FAM177A1: variants seen among roughly 807,000 people sequenced by gnomAD.
FAM177A1 encodes the protein family with sequence similarity 177 member A1, also known as protein FAM177A1.
FAM177A1 carries 22 observed loss-of-function variants against 26.1 expected under a neutral mutation model. The ratio of observed to expected loss-of-function variants is 0.84; its 90% CI spans 0.60 to 1.20. The LOEUF (loss-of-function observed/expected upper bound fraction) is 1.20. FAM177A1 is among the 50% of genes most tolerant of loss of function. FAM177A1 has a pLI of 0.00. For missense variants in FAM177A1, 296 were observed against 291.1 expected (o/e 1.02, Z -0.12); for synonymous variants, 95 against 99.3 (o/e 0.96, Z 0.26).
chr14:35,071,375 G>C (rs2045319377), intron 2 of FAM177A1, among the ~76,000 whole-genome samples: 2 of 152,118 alleles, frequency 1.3e-5, no homozygotes, highest in African/African-American at 4.8e-5. Flanking sequence ...AATAAGAAAA[G>C]GTAGTAGGTC....
upstream of FAM177A1, chr14:35,045,095 T>C (rs555265254): frequency 6.6e-5 from 10 of 152,234 alleles, no homozygotes; most frequent in African/African-American, 2.4e-4. Flanking sequence ...GTCTTAACAA[T>C]TGGTTCTTTA....
At position 35,046,351 on chromosome 14, in the gene FAM177A1, G is replaced by C; in HGVS notation, c.-113G>C. ...CGGGCTGGCCCCGCCCCTCAGGCCG[G>C]CGAGTCCCCTTCTCAGAGACTTGGC... On this transcript the variant is annotated 5_prime_UTR_variant, in exon 1 of 5. Coordinates refer to ENST00000280987, the MANE Select transcript of FAM177A1 (RefSeq NM_173607.5). The C allele has an allele frequency of 7.9e-7, 1 of 1,268,342 alleles. No individual in the cohort carries two copies. Among genetic ancestry groups the C allele is most frequent in the Non-Finnish European group, 1.0e-6 (1 of 965,728 alleles). The allele number at this position is 1,268,342 out of a possible 1,614,324, so 78.6% of individuals were successfully genotyped here.
At chr14:35,061,769 T>TA (rs11316188) in intron 2 of FAM177A1, among the ~76,000 whole-genome samples, 61 of 147,916 alleles carry the variant, frequency 4.1e-4, no homozygotes, top group Admixed American at 6.8e-4. Context: ...ATAATAATAT[T>TA]AAAAAAAAAA....
In FAM177A1 at chr14:35,081,033, A is replaced by T. The variant is rs2045474560; in HGVS notation, c.516A>T (p.Glu172Asp). 1 of 1,608,150 alleles carries T rather than the reference A, an allele frequency of 6.2e-7. No individual in the cohort carries two copies. The highest frequency in any genetic ancestry group is 8.5e-7 in the Non-Finnish European group (1 of 1,178,044). The part of the protein sequence containing the change: ...YYRMKKEEEE[E>D]EEENRMSEEA... Reference sequence around the variant, plus strand: ...CTCCTTTTTTTTAGGAAGAAGAAGAAGAAGAAGAAAACAGGATGTCTGAAG... The same window carrying T: ...CTCCTTTTTTTTAGGAAGAAGAAGATGAAGAAGAAAACAGGATGTCTGAAG... The change falls in exon 5 of 5, where the codon GAA becomes GAT. Residue 172 changes from glutamate (E) to aspartate (D), a missense_variant. Physicochemically the swap from Glu to Asp is conservative, Grantham distance 45 (BLOSUM62 2). Transcript: ENST00000280987.
chr14:35,081,232 G>C lies in FAM177A1; in HGVS notation c.*4G>C. On this transcript the variant is annotated 3_prime_UTR_variant, in exon 5 of 5. Transcript: ENST00000280987. ...TCCAGTCTCTGTCCCACCATAAAAT[G>C]AAATGACTATCAAGCTTCAAACTCT... 1 of 1,602,312 alleles carries C rather than the reference G, an allele frequency of 6.2e-7. No individual in the cohort carries two copies. The highest frequency in any genetic ancestry group is 1.1e-5 in the South Asian group (1 of 87,690).
chr14:35,053,084 T>A, intron 1 of FAM177A1, 194 bp from the exon 2 acceptor site: 2 of 501,146 alleles, frequency 4.0e-6, no homozygotes, highest in Admixed American at 3.7e-5. Flanking sequence ...AAATGGTGGG[T>A]TTTATTTGGT....
intron 2 of FAM177A1, among the ~76,000 whole-genome samples, chr14:35,054,314 GA>G (rs1245967961): frequency 6.6e-6 from 1 of 152,138 alleles, no homozygotes; most frequent in Admixed American, 6.5e-5. Flanking sequence ...CTAACTTGGA[GA>G]ATTTCTAAAT....
At chr14:35,049,445 A>G (rs891298072) in intron 1 of FAM177A1, among the ~76,000 whole-genome samples, 1 of 152,166 alleles carries the variant, frequency 6.6e-6, no homozygotes, top group Non-Finnish European at 1.5e-5. Context: ...TGTGTTTTAA[A>G]GAAGTCTGGG....
At position 35,046,995 on chromosome 14, in the gene FAM177A1, G is replaced by T. The variant is rs183998826; in HGVS notation, c.165+367G>T. 2.5e-5 allele frequency: 26 copies of T among 1,044,344 alleles called. No homozygotes were observed. The East Asian group carries it at 4.1e-4, about 16-fold the overall frequency. The allele number at this position is 1,044,344 out of a possible 1,614,324, so 64.7% of individuals were successfully genotyped here. A position where few individuals can be genotyped will look rare whatever the true frequency, so the allele number is the denominator to read the frequency against. On this transcript the variant is annotated intron_variant, in intron 1 of 4. Transcript: ENST00000280987. The stretch of plus-strand genomic sequence containing the variant: ...ACCACTTCTCAGTCTCTTCTGGTGC[G>T]AGCGCCTGCCTGGGCATCTGCCCTT...
Position 35,081,699 on chromosome 14 carries a change from C to T in FAM177A1, c.*471C>T, listed in dbSNP as rs936943062. ...TTAATTTCACACTAAGGATGCTTCA[C>T]CATATAATAAAAGGAGCAAGATGGA... On this transcript the variant is annotated 3_prime_UTR_variant, in exon 5 of 5. Coordinates refer to ENST00000280987, the MANE Select transcript of FAM177A1 (RefSeq NM_173607.5). 1 of 152,382 alleles carries T rather than the reference C, an allele frequency of 6.6e-6. No individual in the cohort carries two copies. Among genetic ancestry groups the T allele is most frequent in the Non-Finnish European group, 1.5e-5 (1 of 68,236 alleles). The allele number at this position is 152,382 out of a possible 1,614,324, so 9.4% of individuals were successfully genotyped here. A position where few individuals can be genotyped will look rare whatever the true frequency, so the allele number is the denominator to read the frequency against.
intron 2 of FAM177A1, among the ~76,000 whole-genome samples, chr14:35,057,998 T>C (rs2045088914): frequency 6.6e-6 from 1 of 152,140 alleles, no homozygotes; most frequent in African/African-American, 2.4e-5. Flanking sequence ...ATTGATTTTA[T>C]AGTATTGTTC....
intron 1 of FAM177A1, 27 bp downstream of exon 1, chr14:35,046,655 C>T: frequency 6.6e-7 from 1 of 1,513,968 alleles, no homozygotes; most frequent in Non-Finnish European, 8.9e-7. Context: ...AGGCTGACGT[C>T]CGGGGAGCCG....
chr14:35,053,252 A>T (rs2045004153), intron 1 of FAM177A1, 26 bp from the exon 2 acceptor site: 1 of 1,581,234 alleles, frequency 6.3e-7, no homozygotes, highest in South Asian at 1.2e-5. Context: ...CTTGAAACTC[A>T]TTTTCTTAAA....
chr14:35,071,474 A>C (rs1009027871), intron 2 of FAM177A1, among the ~76,000 whole-genome samples: 2 of 152,182 alleles, frequency 1.3e-5, no homozygotes, highest in African/African-American at 4.8e-5. Context: ...TCTTGAAGAC[A>C]CAAGATCTTG....
At chr14:35,053,112 C>A (rs973857298) in intron 1 of FAM177A1, 166 bp from the exon 2 acceptor site, 2 of 610,586 alleles carry the variant, frequency 3.3e-6, no homozygotes. Context: ...AGTCTTGACA[C>A]TGTACTCCAG....
At chr14:35,066,944 C>T (rs1351612839) in intron 2 of FAM177A1, among the ~76,000 whole-genome samples, 2 of 152,018 alleles carry the variant, frequency 1.3e-5, no homozygotes, top group Non-Finnish European at 2.9e-5. Context: ...CAGGCATGCG[C>T]CACCACGCCT....
chr14:35,053,493 T>G, intron 2 of FAM177A1, 42 bp downstream of exon 2: 1 of 1,594,472 alleles, frequency 6.3e-7, no homozygotes, highest in South Asian at 1.1e-5. Flanking sequence ...TGGGCTTTGT[T>G]TTGATTTATT....
intron 2 of FAM177A1, 43 bp downstream of exon 2, chr14:35,053,494 T>G: frequency 6.3e-7 from 1 of 1,594,510 alleles, no homozygotes; most frequent in Non-Finnish European, 8.6e-7. Context: ...GGGCTTTGTT[T>G]TGATTTATTT....
At chr14:35,057,616 G>A (rs944629431) in intron 2 of FAM177A1, among the ~76,000 whole-genome samples, 2 of 152,070 alleles carry the variant, frequency 1.3e-5, no homozygotes, top group African/African-American at 2.4e-5. Context: ...CCTGACCTAG[G>A]TGATCTGCCC....
Sources: gnomAD v4.1 joint callset for allele counts (sites outside exome capture counted in the v4.1 genomes callset) on GRCh38, gnomAD v4.1.1 for gene constraint, MANE v1.5 for transcripts, NCBI Gene and HGNC (gene_info 2026-07-23, HGNC 2026-07-21) for gene names.